Variants in KCTD16 observed in about 807,000 individuals in gnomAD.
KCTD16 encodes potassium channel tetramerization domain containing 16, also known as BTB/POZ domain-containing protein KCTD16.
In KCTD16, 13 loss-of-function variants were observed where a neutral mutation model predicts 33.2. The ratio of observed to expected loss-of-function variants is 0.39; its 90% CI spans 0.25 to 0.62. KCTD16 has a LOEUF of 0.62. Ranked by LOEUF, KCTD16 falls within the 20% of genes least tolerant of loss-of-function variation. KCTD16 has a pLI of 0.50. For missense variants in KCTD16, 441 were observed against 525.1 expected (o/e 0.84, Z 1.57); for synonymous variants, 197 against 195.3 (o/e 1.01, Z -0.07).
chr5:144,341,395 G>A (rs1433714388), intron 3 of KCTD16, among the ~76,000 whole-genome samples: 5 of 152,222 alleles, frequency 3.3e-5, no homozygotes, highest in African/African-American at 1.2e-4. Context: ...ATGGGGATTA[G>A]GCAATGGATC....
At chr5:144,235,922 A>T (rs1464521047) in intron 3 of KCTD16, among the ~76,000 whole-genome samples, 2 of 152,052 alleles carry the variant, frequency 1.3e-5, no homozygotes, top group East Asian at 3.9e-4. Context: ...ATCCCAATGC[A>T]TGCTTTAGGG....
intron 2 of KCTD16, among the ~76,000 whole-genome samples, chr5:144,195,692 C>G (rs1228191031): frequency 2.0e-5 from 3 of 152,178 alleles, no homozygotes; most frequent in Non-Finnish European, 4.4e-5. Flanking sequence ...ATCATCAGCA[C>G]TCTAATGAAT....
intron 3 of KCTD16, among the ~76,000 whole-genome samples, chr5:144,452,872 C>T (rs1188053522): frequency 2.0e-5 from 3 of 152,024 alleles, no homozygotes; most frequent in Non-Finnish European, 2.9e-5. Context: ...AATTAGGCTG[C>T]TTTTCTCTGA....
chr5:144,238,803 C>T (rs1231478550), intron 3 of KCTD16, among the ~76,000 whole-genome samples: 1 of 152,166 alleles, frequency 6.6e-6, no homozygotes, highest in Non-Finnish European at 1.5e-5. Flanking sequence ...ATTTTTTGAG[C>T]TATGCCCATT....
Position 144,256,333 on chromosome 5 carries a change from A to G in KCTD16, c.832+48787A>G, listed in dbSNP as rs554443603. Among the ~76,000 whole-genome samples, 5 of 152,342 alleles carry G rather than the reference A, an allele frequency of 3.3e-5. No homozygotes were observed. The South Asian group carries it at 1.0e-3, about 32-fold the overall frequency. Reference sequence around the variant, plus strand: ...AAACCAAAGAAATTCTTCCACTACTATAAACACTGTGACTTCAGCCAAAAT... The same window carrying G: ...AAACCAAAGAAATTCTTCCACTACTGTAAACACTGTGACTTCAGCCAAAAT... On this transcript the variant is annotated intron_variant, in intron 3 of 3. Coordinates refer to ENST00000512467, the MANE Select transcript of KCTD16 (RefSeq NM_020768.4).
At chr5:144,324,724 A>C (rs1180341420) in intron 3 of KCTD16, among the ~76,000 whole-genome samples, 1 of 152,248 alleles carries the variant, frequency 6.6e-6, no homozygotes, top group African/African-American at 2.4e-5. Context: ...TTACATATAC[A>C]TCATGGAATA....
At chr5:144,424,942 T>C (rs62401785) in intron 3 of KCTD16, among the ~76,000 whole-genome samples, 33 of 152,280 alleles carry the variant, frequency 2.2e-4, no homozygotes, top group Non-Finnish European at 4.6e-4. Flanking sequence ...CACAAACTTA[T>C]GTCCTCACAT....
chr5:144,357,874 C>G (rs903120063), intron 3 of KCTD16, among the ~76,000 whole-genome samples: 1 of 152,088 alleles, frequency 6.6e-6, no homozygotes, highest in African/African-American at 2.4e-5. Flanking sequence ...AGAACACCTG[C>G]TCACCTGCTC....
chr5:144,386,400 A>AT (rs1752325074), intron 3 of KCTD16, among the ~76,000 whole-genome samples: 1 of 152,196 alleles, frequency 6.6e-6, no homozygotes, highest in Non-Finnish European at 1.5e-5. Flanking sequence ...ATGATTGGTC[A>AT]TTTAAGACTG....
chr5:144,258,272 A>T (rs1433990801), intron 3 of KCTD16, among the ~76,000 whole-genome samples: 1 of 151,934 alleles, frequency 6.6e-6, no homozygotes, highest in African/African-American at 2.4e-5. Context: ...TACACTATAT[A>T]TTATTCTACT....
At chr5:144,441,105 T>C (rs1325029290) in intron 3 of KCTD16, among the ~76,000 whole-genome samples, 4 of 152,318 alleles carry the variant, frequency 2.6e-5, no homozygotes, top group East Asian at 3.9e-4. Context: ...TCATTTTTCA[T>C]TGGGTTATCT....
intron 3 of KCTD16, among the ~76,000 whole-genome samples, chr5:144,310,767 G>T (rs530903552): frequency 6.6e-6 from 1 of 151,974 alleles, no homozygotes; most frequent in South Asian, 2.1e-4. Context: ...TAGCTGTGAG[G>T]GGTTAATTCT....
chr5:144,355,166 C>G (rs1443572962), intron 3 of KCTD16, among the ~76,000 whole-genome samples: 1 of 152,108 alleles, frequency 6.6e-6, no homozygotes, highest in African/African-American at 2.4e-5. Flanking sequence ...ACGGCTTGCC[C>G]TCCAGTCATT....
intron 3 of KCTD16, among the ~76,000 whole-genome samples, chr5:144,380,428 C>A (rs1260132427): frequency 1.3e-5 from 2 of 152,116 alleles, no homozygotes; most frequent in East Asian, 1.9e-4. Context: ...AAGTAATTTA[C>A]AGATTCAATG....
At chr5:144,383,496 C>G (rs542112956) in intron 3 of KCTD16, among the ~76,000 whole-genome samples, 2 of 150,238 alleles carry the variant, frequency 1.3e-5, no homozygotes, top group East Asian at 3.9e-4. Flanking sequence ...TGCTAAATTG[C>G]TTTGTTTCTG....
At chr5:144,341,879 A>G (rs1752655230) in intron 3 of KCTD16, among the ~76,000 whole-genome samples, 1 of 152,200 alleles carries the variant, frequency 6.6e-6, no homozygotes, top group Admixed American at 6.5e-5. Context: ...TCATTAATAA[A>G]TAGTGCACAT....
At chr5:144,419,494 G>T (rs950740467) in intron 3 of KCTD16, among the ~76,000 whole-genome samples, 5 of 152,110 alleles carry the variant, frequency 3.3e-5, no homozygotes, top group African/African-American at 1.2e-4. Context: ...TATGTTTAAT[G>T]TGAATGGGAT....
intron 3 of KCTD16, among the ~76,000 whole-genome samples, chr5:144,427,798 A>G (rs1371126092): frequency 6.6e-6 from 1 of 152,172 alleles, no homozygotes; most frequent in Non-Finnish European, 1.5e-5. Flanking sequence ...GAAATAACAT[A>G]GACTTTGAAA....
chr5:144,336,043 A>G (rs961128957), intron 3 of KCTD16, among the ~76,000 whole-genome samples: 5 of 152,208 alleles, frequency 3.3e-5, no homozygotes, highest in Non-Finnish European at 1.5e-5. Flanking sequence ...CCCCATGTCC[A>G]GTGCCATCCA....
Sources: allele counts gnomAD v4.1 joint callset (sites outside exome capture counted in the v4.1 genomes callset), GRCh38; gene constraint gnomAD v4.1.1; transcripts MANE v1.5; gene names NCBI Gene and HGNC (gene_info 2026-07-23, HGNC 2026-07-21).